The following OPCML variants were observed in gnomAD, a reference collection of about 807,000 sequenced individuals.
OPCML encodes the protein opioid binding protein/cell adhesion molecule like, also known as opioid-binding protein/cell adhesion molecule.
A neutral mutation model predicts 37.8 loss-of-function variants in OPCML; 13 were observed. The observed-to-expected ratio is 0.34, with a 90% confidence interval of 0.22 to 0.55. The LOEUF (loss-of-function observed/expected upper bound fraction) is 0.55. Ranked by LOEUF, OPCML falls within the 20% of genes least tolerant of loss-of-function variation. The pLI is 0.91. For synonymous variants in OPCML, 176 were observed against 168.8 expected (o/e 1.04, Z -0.33); for missense variants, 341 against 435.6 (o/e 0.78, Z 1.93).
intron 2 of OPCML, among the ~76,000 whole-genome samples, chr11:132,743,035 T>G (rs1246951397): frequency 1.3e-5 from 2 of 151,990 alleles, no homozygotes; most frequent in African/African-American, 2.4e-5. Context: ...TTCTTACGTA[T>G]TCCCAAGATC....
At chr11:132,712,986 T>C (rs1006936944) in intron 2 of OPCML, among the ~76,000 whole-genome samples, 4 of 152,198 alleles carry the variant, frequency 2.6e-5, no homozygotes, top group African/African-American at 9.6e-5. Flanking sequence ...AGTTGACCTC[T>C]GCTAGCCAGG....
chr11:132,897,020 G>A (rs1256321006), intron 2 of OPCML, among the ~76,000 whole-genome samples: 1 of 152,138 alleles, frequency 6.6e-6, no homozygotes, highest in Non-Finnish European at 1.5e-5. Flanking sequence ...ATTTGTTGAG[G>A]GTCCCAAAAG....
chr11:133,005,156 T>C (rs1487742501), intron 1 of OPCML: 1 of 985,268 alleles, frequency 1.0e-6, no homozygotes, highest in East Asian at 1.1e-4. Context: ...CCTGCACCAC[T>C]GACCCTCCAC....
intron 1 of OPCML, among the ~76,000 whole-genome samples, chr11:133,346,721 G>T (rs1347148115): frequency 6.6e-6 from 1 of 152,088 alleles, no homozygotes; most frequent in Non-Finnish European, 1.5e-5. Flanking sequence ...AGAAAACCTG[G>T]GTTCCAAGCC....
chr11:133,113,521 G>A (rs534581837), intron 1 of OPCML, among the ~76,000 whole-genome samples: 8 of 152,278 alleles, frequency 5.3e-5, no homozygotes, highest in African/African-American at 9.6e-5. Context: ...TAAGCTGAAC[G>A]CTTACACAGA....
At chr11:133,531,435 C>T (rs1397258360) in intron 1 of OPCML, among the ~76,000 whole-genome samples, 1 of 152,132 alleles carries the variant, frequency 6.6e-6, no homozygotes, top group Non-Finnish European at 1.5e-5. Flanking sequence ...CAGGCAAATC[C>T]AAATTTCCAA....
chr11:132,685,262 T>C (rs531110668), intron 2 of OPCML, among the ~76,000 whole-genome samples: 2 of 152,372 alleles, frequency 1.3e-5, no homozygotes, highest in African/African-American at 4.8e-5. Flanking sequence ...TGTGTCTGTA[T>C]GATGTCAGTC....
At chr11:132,826,483 C>T (rs1009733889) in intron 2 of OPCML, among the ~76,000 whole-genome samples, 1 of 151,994 alleles carries the variant, frequency 6.6e-6, no homozygotes, top group Non-Finnish European at 1.5e-5. Flanking sequence ...TGCAAAGGGG[C>T]AGAGGTGAAA....
chr11:132,436,323 C>T (rs1490563207), intron 6 of OPCML, 86 bp from the exon 7 acceptor site: 8 of 1,605,524 alleles, frequency 5.0e-6, no homozygotes, highest in Non-Finnish European at 6.8e-6. Context: ...TAATCTCGTC[C>T]TTCAAACTCA....
At chr11:133,327,015 G>T (rs973540096) in intron 1 of OPCML, among the ~76,000 whole-genome samples, 7 of 139,762 alleles carry the variant, frequency 5.0e-5, no homozygotes, top group Non-Finnish European at 7.8e-5. Flanking sequence ...GTATGGGGAG[G>T]GTGTGTGTAT....
At chr11:133,100,049 A>G (rs1044465903) in intron 1 of OPCML, among the ~76,000 whole-genome samples, 4 of 152,214 alleles carry the variant, frequency 2.6e-5, no homozygotes, top group African/African-American at 9.6e-5. Context: ...GGCGATTATC[A>G]TAAGCAAATT....
At chr11:132,755,822 T>TA (rs1459666137) in intron 2 of OPCML, among the ~76,000 whole-genome samples, 1 of 152,198 alleles carries the variant, frequency 6.6e-6, no homozygotes, top group Non-Finnish European at 1.5e-5. Flanking sequence ...ATTACTGAGT[T>TA]ACAGTTTTCT....
At chr11:132,840,976 G>A (rs1202359362) in intron 2 of OPCML, among the ~76,000 whole-genome samples, 1 of 152,114 alleles carries the variant, frequency 6.6e-6, no homozygotes, top group Non-Finnish European at 1.5e-5. Context: ...GCCTCTCAGG[G>A]GCTGTGTGAT....
intron 2 of OPCML, among the ~76,000 whole-genome samples, chr11:132,802,423 T>C (rs1433459541): frequency 1.3e-5 from 2 of 152,186 alleles, no homozygotes; most frequent in Non-Finnish European, 2.9e-5. Context: ...TTGCTCAGCC[T>C]GGTCTATGCT....
rs376000066 is a variant in OPCML at position 133,458,682 on chromosome 11, CGT to C, written c.61+73580_61+73581del. 2.6e-4 allele frequency among the ~76,000 whole-genome samples: 33 copies of C among 127,960 alleles called. No homozygotes were observed. In the East Asian group the frequency reaches 3.3e-3, roughly 13 times the overall value. 83.9% of individuals were successfully genotyped at this position (127,960 alleles called of 152,430 possible). ...GTGTGTATATATACACATAGATGCA[CGT>C]GTGTGTGTATATATACACATAGATG... On this transcript the variant is annotated intron_variant, in intron 1 of 7. Coordinates refer to ENST00000524381, the MANE Select transcript of OPCML (RefSeq NM_001012393.5).
intron 1 of OPCML, among the ~76,000 whole-genome samples, chr11:133,096,910 A>G (rs1337907415): frequency 6.6e-6 from 1 of 152,142 alleles, no homozygotes; most frequent in Non-Finnish European, 1.5e-5. Flanking sequence ...AAACTGATAG[A>G]ACCGCAAGGA....
intron 2 of OPCML, among the ~76,000 whole-genome samples, chr11:132,681,037 G>A (rs1261436949): frequency 2.6e-5 from 4 of 152,236 alleles, no homozygotes; most frequent in African/African-American, 2.4e-5. Context: ...GGCAGGCGGG[G>A]GTTGCCTTCC....
rs756717230 is a variant in OPCML, at chr11:133,088,489, G to A, written c.62-145479C>T. 1.0e-3 allele frequency among the ~76,000 whole-genome samples: 155 copies of A among 152,132 alleles called. 2 individuals carry two copies. The highest frequency in any genetic ancestry group is 7.7e-4 in the East Asian group (4 of 5,196). On this transcript the variant is annotated intron_variant, in intron 1 of 7. Transcript: ENST00000524381. ...GACAGTCCCAGTGGACACTGCCCTC[G>A]CCAATATCTTCCAATATCAAAGAGA...
intron 2 of OPCML, among the ~76,000 whole-genome samples, chr11:132,738,797 A>G (rs1026718232): frequency 6.6e-6 from 1 of 152,222 alleles, no homozygotes; most frequent in African/African-American, 2.4e-5. Context: ...TACATTAATT[A>G]AAAACCAAAC....
Sources: allele counts gnomAD v4.1 joint callset (sites outside exome capture counted in the v4.1 genomes callset), GRCh38; gene constraint gnomAD v4.1.1; transcripts MANE v1.5; gene names NCBI Gene and HGNC (gene_info 2026-07-23, HGNC 2026-07-21).